Variants in ITIH3 observed in about 807,000 individuals in gnomAD.
ITIH3 encodes the protein inter-alpha-trypsin inhibitor heavy chain H3.
ITIH3 carries 81 observed loss-of-function variants against 96.5 expected under a neutral mutation model. That is an observed-to-expected ratio of 0.84 (90% CI 0.70 to 1.01). The LOEUF is 1.01. Ranked by LOEUF, ITIH3 falls within the 50% of genes least tolerant of loss-of-function variation. The pLI is 0.00. For synonymous variants in ITIH3, 422 were observed against 445.2 expected, an observed-to-expected ratio of 0.95 and a Z score of 0.66; for missense variants, 1,057 against 1,139.3, an observed-to-expected ratio of 0.93 and a Z score of 1.04.
chr3:52,798,031 T>C (rs762189975), intron 6 of ITIH3, 101 bp downstream of exon 6: 3 of 701,000 alleles, frequency 4.3e-6, no homozygotes, highest in Non-Finnish European at 7.4e-6. Flanking sequence ...CAAGCATGCA[T>C]GTGTTGGGGT....
chr3:52,807,382 T>C (rs956897375), intron 19 of ITIH3, among the ~76,000 whole-genome samples: 1 of 152,194 alleles, frequency 6.6e-6, no homozygotes, highest in African/African-American at 2.4e-5. Context: ...CTTCTGTGGC[T>C]GCTCTTGTCT....
At chr3:52,795,542 T>C (rs902878715) in intron 1 of ITIH3, 61 bp from the exon 2 acceptor site, 1 of 1,560,718 alleles carries the variant, frequency 6.4e-7, no homozygotes, top group African/African-American at 1.4e-5. Context: ...TCCCAGGCCA[T>C]GCGGCCTTGG....
At chr3:52,803,599 G>A (rs920792025) in intron 13 of ITIH3, among the ~76,000 whole-genome samples, 3 of 152,196 alleles carry the variant, frequency 2.0e-5, no homozygotes, top group African/African-American at 4.8e-5. Context: ...GATTACAGGC[G>A]TGAGCCACCA....
At chr3:52,803,773 G>T (rs1196580449) in intron 13 of ITIH3, 82 bp from the exon 14 acceptor site, 4 of 1,495,788 alleles carry the variant, frequency 2.7e-6, no homozygotes, top group Non-Finnish European at 3.7e-6. Flanking sequence ...GGGATCCCCA[G>T]CTGTGTCCAC....
rs900467946 is a variant in ITIH3, at chr3:52,797,142, G to A, written c.424G>A (p.Val142Ile). The A allele has an allele frequency of 1.9e-6, 3 of 1,609,816 alleles. No individual in the cohort carries two copies. The highest frequency in any genetic ancestry group is 1.1e-5 in the South Asian group (1 of 89,938). The change falls in exon 5 of 22, where the codon GTC (valine) becomes ATC (isoleucine). Residue 142 changes from valine (V) to isoleucine (I), a missense_variant. Transcript: ENST00000449956. ...GAAGTTGGAGAAGTTCACAGTCTCG[G>A]TCAACGTGGCTGCAGGCAGCAAAGT... ...GRKLEKFTVSVNVAAGSKVTF... is the reference protein window; with the variant it reads ...GRKLEKFTVSINVAAGSKVTF...
In ITIH3 at chr3:52,803,795, AG is replaced by A. The variant is rs1443041818; in HGVS notation, c.1710-56del. 64 of 1,585,186 alleles carry A rather than the reference AG, an allele frequency of 4.0e-5. No individual in the cohort carries two copies. In the Admixed American group the frequency reaches 1.1e-3, roughly 27 times the overall value. On this transcript the variant is annotated intron_variant, in intron 13 of 21. Transcript: ENST00000449956. ...CCAGCTGTGTCCACTGCTCCAGTGC[AG>A]GGGAAGTGGGCAGGGTGCTGCTCTC...
intron 13 of ITIH3, 134 bp from the exon 14 acceptor site, chr3:52,803,721 G>T: frequency 4.3e-6 from 4 of 938,994 alleles, no homozygotes; most frequent in Non-Finnish European, 6.4e-6. Flanking sequence ...GAGCCCAACT[G>T]GGCTGTACCC....
In ITIH3 at chr3:52,808,605, G is replaced by A. The variant is rs1700140374; in HGVS notation, c.2597G>A (p.Cys866Tyr). 4.3e-6 allele frequency: 7 copies of A among 1,614,010 alleles called. No individual in the cohort carries two copies. Among genetic ancestry groups the A allele is most frequent in the Non-Finnish European group, 5.9e-6 (7 of 1,179,884 alleles). ...GCCAGCATCGGCACGAAGGTTGTCT[G>A]CTGGTTCGTCCACAACAACGGAGAA... ...KDASIGTKVV[C>Y]WFVHNNGEGL... is the part of the protein sequence containing the mutation. The change falls in exon 22 of 22, where the codon TGC (cysteine) becomes TAC (tyrosine). Residue 866 changes from cysteine to tyrosine, a missense_variant. Cys to Tyr is a radical substitution (Grantham distance 194). Coordinates refer to ENST00000449956, the MANE Select transcript of ITIH3 (RefSeq NM_002217.4).
intron 5 of ITIH3, 41 bp downstream of exon 5, chr3:52,797,308 G>A (rs1193253320): frequency 1.9e-6 from 3 of 1,567,648 alleles, no homozygotes; most frequent in Admixed American, 3.6e-5. Flanking sequence ...ACGGCAGCGG[G>A]GTGCAGGAAC....
Position 52,807,029 on chromosome 3 carries a change from GAGA to G in ITIH3, c.2189_2191del (p.Lys730del), listed in dbSNP as rs751545798. 4 of 1,601,904 alleles carry G rather than the reference GAGA, an allele frequency of 2.5e-6. No individual in the cohort carries two copies. Among genetic ancestry groups the G allele is most frequent in the South Asian group, 1.1e-5 (1 of 88,410 alleles). ...GGACTTCCAGGTGGAGGTGACAACG[GAGA>G]AGATCACCCTGTGGAACAGGGCCGT... On this transcript the variant is annotated inframe_deletion, in exon 19 of 22. Transcript: ENST00000449956.
intron 15 of ITIH3, chr3:52,805,502 G>A: frequency 8.4e-7 from 1 of 1,185,762 alleles, no homozygotes; most frequent in East Asian, 4.5e-5. Flanking sequence ...GAAGCCCAGG[G>A]GTGGGGCAGA....
intron 15 of ITIH3, 197 bp downstream of exon 15, chr3:52,804,931 G>A: frequency 3.2e-6 from 2 of 633,564 alleles, no homozygotes. Flanking sequence ...AATTGGGGGT[G>A]GCTTCCCTTG....
Position 52,802,362 on chromosome 3 carries a change from T to C in ITIH3, c.1412T>C (p.Leu471Pro), listed in dbSNP as rs1159595054. The change falls in exon 12 of 22, where the codon CTG (leucine) becomes CCG (proline). Residue 471 changes from leucine (L) to proline (P), a missense_variant. Physicochemically the swap from Leu to Pro is moderately conservative, Grantham distance 98 (BLOSUM62 -3). Transcript: ENST00000449956. ...TTCTATGAGGAGGTGGCCAACCCAC[T>C]GCTGACGGGTGTGGAGATGGAGTAC... ...QGFYEEVANP[L>P]LTGVEMEYPE... 6.2e-7 allele frequency: 1 copy of C among 1,613,922 alleles called. No individual in the cohort carries two copies. The highest frequency in any genetic ancestry group is 1.7e-5 in the Admixed American group (1 of 60,012).
In ITIH3 at chr3:52,806,383, G is replaced by A. The variant is rs747148462; in HGVS notation, c.2033G>A (p.Arg678His). The A allele has an allele frequency of 2.2e-5, 36 of 1,613,534 alleles. No homozygotes were observed. Among genetic ancestry groups the A allele is most frequent in the African/African-American group, 5.3e-5 (4 of 74,936 alleles). The change falls in exon 18 of 22, where the codon CGC becomes CAC. Residue 678 changes from arginine (R) to histidine (H), a missense_variant. By Grantham distance (29) the Arg-to-His change is conservative. Transcript: ENST00000449956. The part of the protein sequence containing the change: ...NIDEAPGTVL[R>H]LIQDAVTGLT... ...GATGAAGCCCCAGGCACAGTGCTGC[G>A]CCTTATTCAGGATGCAGTCACAGGT...
rs1699876193 is a variant in ITIH3, at chr3:52,802,524, G to T, written c.1569+5G>T. 2 of 1,613,650 alleles carry T rather than the reference G, an allele frequency of 1.2e-6. No homozygotes were observed. Among genetic ancestry groups the T allele is most frequent in the African/African-American group, 1.3e-5 (1 of 74,920 alleles). On this transcript the variant is annotated splice_donor_5th_base_variant and intron_variant, in intron 12 of 21. Coordinates refer to ENST00000449956, the MANE Select transcript of ITIH3 (RefSeq NM_002217.4). ...GCAGATGTGAAGGGCCATGGGGTGA[G>T]TGGGGACAGGGCCTGGAAGTGTGCT...
chr3:52,800,283 C>A, intron 9 of ITIH3: 1 of 563,284 alleles, frequency 1.8e-6, no homozygotes, highest in Non-Finnish European at 3.2e-6. Context: ...CCAACTCTGC[C>A]AAAGGGCTTT....
intron 21 of ITIH3, 119 bp from the exon 22 acceptor site, chr3:52,808,433 C>T: frequency 7.1e-7 from 1 of 1,404,892 alleles, no homozygotes; most frequent in Non-Finnish European, 9.9e-7. Context: ...TCATTCTTGA[C>T]CAAAGAATTC....
In ITIH3 at chr3:52,806,126, C is replaced by A. The variant is rs200538783; in HGVS notation, c.1930C>A (p.Pro644Thr). 2 of 1,603,414 alleles carry A rather than the reference C, an allele frequency of 1.2e-6. No homozygotes were observed. Among genetic ancestry groups the A allele is most frequent in the African/African-American group, 2.7e-5 (2 of 74,612 alleles). Residue 644 changes from proline (P) to threonine (T), a missense_variant, in exon 17 of 22, where the codon CCC (proline) becomes ACC (threonine). By Grantham distance (38) the Pro-to-Thr change is conservative. Coordinates refer to ENST00000449956, the MANE Select transcript of ITIH3 (RefSeq NM_002217.4). ...YLTSYQPPQN[P>T]YYYVDGDPHF... is the part of the protein sequence containing the mutation. ...AGCCAGCTACCAGCCTCCTCAAAAC[C>A]CCTACTACTATGGTGAGTCCCTGGC...
chr3:52,808,054 C>T, intron 20 of ITIH3, 56 bp from the exon 21 acceptor site: 2 of 1,591,316 alleles, frequency 1.3e-6, no homozygotes, highest in South Asian at 2.2e-5. Context: ...AGGCCAGTGG[C>T]CACGTTACCC....
Sources: gnomAD v4.1 joint callset for allele counts (sites outside exome capture counted in the v4.1 genomes callset) on GRCh38, gnomAD v4.1.1 for gene constraint, MANE v1.5 for transcripts, NCBI Gene and HGNC (gene_info 2026-07-23, HGNC 2026-07-21) for gene names.